Variants in MTFR2 observed in about 807,000 individuals in gnomAD.
MTFR2 encodes the protein DUF729 domain-containing protein 1.
MTFR2 carries 44 observed loss-of-function variants against 41.2 expected under a neutral mutation model. The observed-to-expected ratio is 1.07, with a 90% CI of 0.84 to 1.37. The LOEUF (loss-of-function observed/expected upper bound fraction) is 1.37, where lower values mean the gene tolerates loss of function less well. Among genes scored for constraint, MTFR2 ranks in the 40% most tolerant of loss-of-function variants. The pLI, the probability that MTFR2 is intolerant of heterozygous loss-of-function variation, is 0.00. For missense variants in MTFR2, 452 were observed against 459.5 expected (o/e 0.98, Z 0.15); for synonymous variants, 141 against 154.6 (o/e 0.91, Z 0.65).
rs1483992407 is a variant in MTFR2, at chr6:136,250,199, T to G, written c.-278A>C. The G allele has an allele frequency of 6.6e-6, 1 of 152,508 alleles. No individual in the cohort carries two copies. Among genetic ancestry groups the G allele is most frequent in the Non-Finnish European group, 1.5e-5 (1 of 68,324 alleles). The allele number at this position is 152,508 out of a possible 1,614,324, so 9.4% of individuals were successfully genotyped here. A position where few individuals can be genotyped will look rare whatever the true frequency, so the allele number is the denominator to read the frequency against. ...CAACCCGGTGCCCAGCCCTGGAGCC[T>G]CACGCTCAGCCAGGGTAATGTTATG... is the stretch of plus-strand genomic sequence containing the variant. On this transcript the variant is annotated 5_prime_UTR_variant, in exon 1 of 8. Coordinates refer to ENST00000420702, the MANE Select transcript of MTFR2 (RefSeq NM_001099286.3).
At chr6:136,249,499 G>A (rs1418563691) in intron 1 of MTFR2, among the ~76,000 whole-genome samples, 1 of 152,166 alleles carries the variant, frequency 6.6e-6, no homozygotes, top group African/African-American at 2.4e-5. Flanking sequence ...GAGACTCTTA[G>A]CAGATGGGTG....
At chr6:136,233,278 A>G (rs1779813917) in intron 7 of MTFR2, 47 bp downstream of exon 7, 1 of 1,529,136 alleles carries the variant, frequency 6.5e-7, no homozygotes, top group Non-Finnish European at 9.0e-7. Context: ...CATAAACAAC[A>G]CATCTGAGAA....
chr6:136,240,405 G>A (rs928072053), intron 5 of MTFR2, among the ~76,000 whole-genome samples: 9 of 151,360 alleles, frequency 5.9e-5, no homozygotes, highest in African/African-American at 2.2e-4. Context: ...ATATGTAAAT[G>A]TTATAAATAT....
Position 136,232,165 on chromosome 6 carries a change from C to A in MTFR2, c.1045-777G>T, listed in dbSNP as rs186232951. ...ACATGCTAAACATCAGATATATACA[C>A]ACACACACACAATGGTGAGCACAGA... On this transcript the variant is annotated intron_variant, in intron 7 of 7. Transcript: ENST00000420702. 2.0e-5 allele frequency among the ~76,000 whole-genome samples: 3 copies of A among 152,278 alleles called. No homozygotes were observed. In the East Asian group the frequency reaches 5.8e-4, roughly 29 times the overall value.
chr6:136,239,191 A>C (rs1041685928), intron 6 of MTFR2, among the ~76,000 whole-genome samples: 2 of 152,202 alleles, frequency 1.3e-5, no homozygotes, highest in South Asian at 4.1e-4. Flanking sequence ...TAGAGTATCT[A>C]AGAAAATATA....
intron 6 of MTFR2, among the ~76,000 whole-genome samples, chr6:136,235,507 G>C (rs1430850789): frequency 6.6e-6 from 1 of 152,094 alleles, no homozygotes; most frequent in African/African-American, 2.4e-5. Flanking sequence ...AGAGAAGAGA[G>C]GGGGCTGAGG....
chr6:136,246,228 C>T (rs1256052529), intron 2 of MTFR2, among the ~76,000 whole-genome samples: 1 of 152,078 alleles, frequency 6.6e-6, no homozygotes. Context: ...TCCTTCCTCT[C>T]ATTCCTTCAT....
intron 5 of MTFR2, among the ~76,000 whole-genome samples, chr6:136,240,906 A>G (rs543866168): frequency 2.0e-4 from 31 of 152,284 alleles, no homozygotes; most frequent in South Asian, 2.1e-4. Flanking sequence ...CCTGGCTAAC[A>G]CGGTGAAACC....
chr6:136,242,965 C>T lies in MTFR2; in HGVS notation c.177G>A (p.Pro59=), dbSNP rs1425528330. The T allele has an allele frequency of 3.1e-6, 5 of 1,596,954 alleles. No individual in the cohort carries two copies. In the Admixed American group the frequency reaches 7.1e-5, roughly 23 times the overall value. Residue 59 remains proline, a synonymous_variant, in exon 4 of 8, where the codon CCG becomes CCA. Coordinates refer to ENST00000420702, the MANE Select transcript of MTFR2 (RefSeq NM_001099286.3). ...PCRRPNFELI[P]LLNSVDSDNC... ...TATCAGAGTCTACAGAGTTCAAGAG[C>T]GGGATCAACTAAAGTAAAAAAAGAA...
intron 6 of MTFR2, among the ~76,000 whole-genome samples, chr6:136,235,589 T>A (rs1036501209): frequency 5.3e-5 from 8 of 151,978 alleles, no homozygotes; most frequent in Non-Finnish European, 2.9e-5. Context: ...AAGGAATAGC[T>A]GATGAGGTCA....
chr6:136,243,671 C>T (rs780403980), intron 3 of MTFR2, among the ~76,000 whole-genome samples: 4 of 150,564 alleles, frequency 2.7e-5, no homozygotes, highest in African/African-American at 4.9e-5. Context: ...CGTTATCACG[C>T]GACTCCACTT....
intron 6 of MTFR2, among the ~76,000 whole-genome samples, chr6:136,235,510 G>A (rs922477216): frequency 6.6e-6 from 1 of 151,918 alleles, no homozygotes; most frequent in African/African-American, 2.4e-5. Flanking sequence ...GAAGAGAGGG[G>A]GCTGAGGTCT....
rs1046248737 is a variant in MTFR2, at chr6:136,240,168, T to C, written c.515-348A>G. 6.6e-5 allele frequency among the ~76,000 whole-genome samples: 10 copies of C among 152,180 alleles called. 1 individual carries two copies. The highest frequency in any genetic ancestry group is 4.6e-4 in the Admixed American group (7 of 15,276). ...AAAACAGAAATCAACAACTTGTAGT[T>C]AGAAACACAAATTGATGTATTCACT... On this transcript the variant is annotated intron_variant, in intron 5 of 7. Coordinates refer to ENST00000420702, the MANE Select transcript of MTFR2 (RefSeq NM_001099286.3).
In MTFR2 at chr6:136,242,058, C is replaced by T. The variant is rs904171500; in HGVS notation, c.282-382G>A. ...TCGTGCCATTGCACTCCAGCCTGGT[C>T]GACAGAGTAAGACTCTGTCTCAAAA... On this transcript the variant is annotated intron_variant, in intron 4 of 7. Coordinates refer to ENST00000420702, the MANE Select transcript of MTFR2 (RefSeq NM_001099286.3). Among the ~76,000 whole-genome samples, 6 of 119,778 alleles carry T rather than the reference C, an allele frequency of 5.0e-5. No homozygotes were observed. In the South Asian group the frequency reaches 1.0e-3, roughly 21 times the overall value. 78.6% of individuals were successfully genotyped at this position (119,778 alleles called of 152,430 possible). A position where few individuals can be genotyped will look rare whatever the true frequency, so the allele number is the denominator to read the frequency against.
intron 7 of MTFR2, among the ~76,000 whole-genome samples, chr6:136,232,294 C>T (rs779437032): frequency 1.3e-5 from 2 of 151,944 alleles, no homozygotes; most frequent in African/African-American, 2.4e-5. Flanking sequence ...CTAGCTCTGT[C>T]GCCAGGCTGG....
At chr6:136,240,006 T>C (rs563332838) in intron 5 of MTFR2, among the ~76,000 whole-genome samples, 186 bp from the exon 6 acceptor site, 14 of 152,268 alleles carry the variant, frequency 9.2e-5, no homozygotes, top group African/African-American at 3.4e-4. Flanking sequence ...GTGAATTCAT[T>C]TTTAATCCAG....
At chr6:136,239,972 G>A in intron 5 of MTFR2, 152 bp from the exon 6 acceptor site, 1 of 630,516 alleles carries the variant, frequency 1.6e-6, no homozygotes, top group Non-Finnish European at 2.7e-6. Flanking sequence ...CATCTGCTTA[G>A]TAATTTAAGA....
At chr6:136,240,275 T>C (rs1780020829) in intron 5 of MTFR2, among the ~76,000 whole-genome samples, 1 of 152,108 alleles carries the variant, frequency 6.6e-6, no homozygotes, top group Non-Finnish European at 1.5e-5. Flanking sequence ...TTTTCCACTT[T>C]AAGATTTGCT....
Position 136,238,791 on chromosome 6 carries a change from G to A in MTFR2, c.869+675C>T, listed in dbSNP as rs147766582. 1.6e-3 allele frequency among the ~76,000 whole-genome samples: 241 copies of A among 151,870 alleles called. 1 individual carries two copies. Among genetic ancestry groups the A allele is most frequent in the African/African-American group, 5.4e-3 (223 of 41,408 alleles). ...GTCAAAATATATGAAATGGGGCCAG[G>A]CACAGTGGCTCACACCTGTAATCCC... is the stretch of plus-strand genomic sequence containing the variant. On this transcript the variant is annotated intron_variant, in intron 6 of 7. Coordinates refer to ENST00000420702, the MANE Select transcript of MTFR2 (RefSeq NM_001099286.3).
Sources: gnomAD v4.1 joint callset for allele counts (sites outside exome capture counted in the v4.1 genomes callset) on GRCh38, gnomAD v4.1.1 for gene constraint, MANE v1.5 for transcripts, NCBI Gene and HGNC (gene_info 2026-07-23, HGNC 2026-07-21) for gene names.